SGCG: variants seen among roughly 807,000 people sequenced by gnomAD.
The protein encoded by SGCG is sarcoglycan gamma.
A neutral mutation model predicts 29.3 loss-of-function variants in SGCG; 26 were observed. The observed-to-expected ratio is 0.89, with a 90% confidence interval of 0.65 to 1.23. The LOEUF (loss-of-function observed/expected upper bound fraction) is 1.23. Among genes scored for constraint, SGCG ranks in the 50% most tolerant of loss-of-function variants. SGCG has a pLI of 0.00. For missense variants in SGCG, 353 were observed against 356.0 expected (o/e 0.99, Z 0.07); for synonymous variants, 145 against 129.7 (o/e 1.12, Z -0.80).
At chr13:23,172,940 C>G in the SGCG span, among the ~76,000 whole-genome samples, 1 of 152,146 alleles carries the variant, frequency 6.6e-6, no homozygotes, top group African/African-American at 2.4e-5. Context: ...AGATTCTCAA[C>G]AAAGATATGT....
intron 6 of SGCG, among the ~76,000 whole-genome samples, chr13:23,300,153 C>T (rs476964): frequency 0.56 from 84,813 of 152,072 alleles, 24,683 homozygotes; most frequent in East Asian, 0.84. Flanking sequence ...GTCTGTTCAT[C>T]TACTTATCTA....
intron 5 of SGCG, among the ~76,000 whole-genome samples, chr13:23,288,992 G>C (rs1364987216): frequency 1.3e-5 from 2 of 152,182 alleles, no homozygotes; most frequent in African/African-American, 4.8e-5. Context: ...AAAGTCAAAA[G>C]TGATAGTGTA....
intron 4 of SGCG, among the ~76,000 whole-genome samples, chr13:23,252,811 A>G (rs1566018170): frequency 6.6e-6 from 1 of 152,226 alleles, no homozygotes; most frequent in Non-Finnish European, 1.5e-5. Context: ...TAGATATAAT[A>G]TAAACCTGCC....
rs564827363 is a variant in SGCG, at chr13:23,232,425, G to A, written c.196-2186G>A. The stretch of plus-strand genomic sequence containing the variant: ...GTCACAACGTAAAATGTCCCTTATT[G>A]CTTTGTTTCATCCTTTGGATTGTCC... On this transcript the variant is annotated intron_variant, in intron 2 of 7. Coordinates refer to ENST00000218867, the MANE Select transcript of SGCG (RefSeq NM_000231.3). 1.6e-4 allele frequency among the ~76,000 whole-genome samples: 24 copies of A among 152,204 alleles called. No homozygotes were observed. In the East Asian group the frequency reaches 4.2e-3, roughly 27 times the overall value.
At chr13:23,228,955 C>T (rs1034602657) in intron 2 of SGCG, among the ~76,000 whole-genome samples, 1 of 152,200 alleles carries the variant, frequency 6.6e-6, no homozygotes, top group African/African-American at 2.4e-5. Context: ...ACTGCAACCT[C>T]CACCTCCCGA....
intron 1 of SGCG, among the ~76,000 whole-genome samples, chr13:23,188,829 G>A (rs1349575421): frequency 1.3e-5 from 2 of 152,140 alleles, no homozygotes; most frequent in Admixed American, 6.5e-5. Flanking sequence ...GGAGGAAGAT[G>A]CCTGTGCCAG....
intron 6 of SGCG, among the ~76,000 whole-genome samples, chr13:23,295,932 C>T (rs1309627261): frequency 3.3e-5 from 5 of 152,228 alleles, no homozygotes; most frequent in Non-Finnish European, 5.9e-5. Flanking sequence ...GCCATATCCT[C>T]GCCCACCCAT....
At chr13:23,293,018 G>GC (rs1256075055) in intron 5 of SGCG, among the ~76,000 whole-genome samples, 4 of 152,110 alleles carry the variant, frequency 2.6e-5, no homozygotes, top group African/African-American at 9.7e-5. Context: ...TCCTCTCTAT[G>GC]CCAAGCAGGA....
At chr13:23,287,713 T>G (rs967097592) in intron 5 of SGCG, among the ~76,000 whole-genome samples, 15 of 151,804 alleles carry the variant, frequency 9.9e-5, no homozygotes, top group Non-Finnish European at 1.8e-4. Context: ...AATTTCACAG[T>G]TTTTTGTTAC....
intron 2 of SGCG, among the ~76,000 whole-genome samples, chr13:23,214,490 C>T (rs961805365): frequency 2.0e-5 from 3 of 152,178 alleles, no homozygotes; most frequent in African/African-American, 4.8e-5. Context: ...GAAGACACAT[C>T]AACTTCTTTG....
intron 1 of SGCG, among the ~76,000 whole-genome samples, chr13:23,192,751 T>G (rs1051820841): frequency 6.6e-6 from 1 of 152,350 alleles, no homozygotes; most frequent in Admixed American, 6.5e-5. Context: ...TGAGTAAAGA[T>G]AGAATAATTT....
the SGCG span, among the ~76,000 whole-genome samples, chr13:23,173,042 A>T: frequency 1.3e-5 from 2 of 152,214 alleles, no homozygotes; most frequent in Admixed American, 6.5e-5. Flanking sequence ...GAACCAATTG[A>T]AAAACAGACA....
At chr13:23,168,497 A>G in the SGCG span, among the ~76,000 whole-genome samples, 9 of 152,324 alleles carry the variant, frequency 5.9e-5, no homozygotes, top group Non-Finnish European at 1.2e-4. Context: ...CAGCAGTAGT[A>G]GCCCCAGCAG....
At chr13:23,299,516 G>A (rs1162752378) in intron 6 of SGCG, among the ~76,000 whole-genome samples, 2 of 135,880 alleles carry the variant, frequency 1.5e-5, no homozygotes, top group African/African-American at 5.5e-5. Context: ...GCAGTGGCGC[G>A]ATCTCGGCTC....
chr13:23,201,824 C>T (rs970400512), intron 1 of SGCG, among the ~76,000 whole-genome samples: 2 of 152,174 alleles, frequency 1.3e-5, no homozygotes, highest in African/African-American at 2.4e-5. Context: ...TCTGTGCTTG[C>T]TTTTGGTTCA....
intron 5 of SGCG, among the ~76,000 whole-genome samples, chr13:23,286,831 G>A (rs192439183): frequency 8.5e-5 from 13 of 152,322 alleles, no homozygotes; most frequent in Admixed American, 1.3e-4. Context: ...AAGATGACCC[G>A]AGGTGAATGA....
At chr13:23,231,979 C>T (rs12430173) in intron 2 of SGCG, among the ~76,000 whole-genome samples, 14,370 of 152,014 alleles carry the variant, frequency 0.095, 825 homozygotes, top group South Asian at 0.19. Flanking sequence ...ATTAGCCAGG[C>T]GAGGTGGCAC....
At chr13:23,174,648 G>T in the SGCG span, among the ~76,000 whole-genome samples, 2 of 152,132 alleles carry the variant, frequency 1.3e-5, no homozygotes, top group African/African-American at 4.8e-5. Flanking sequence ...AAGCTGTGTG[G>T]GAAAAGCCGT....
At chr13:23,172,026 A>G in the SGCG span, among the ~76,000 whole-genome samples, 1 of 152,282 alleles carries the variant, frequency 6.6e-6, no homozygotes, top group South Asian at 2.1e-4. Flanking sequence ...CTGTAGTGGG[A>G]AGATTGCCTT....
Sources: gnomAD v4.1 joint callset for allele counts (sites outside exome capture counted in the v4.1 genomes callset) on GRCh38, gnomAD v4.1.1 for gene constraint, MANE v1.5 for transcripts, NCBI Gene and HGNC (gene_info 2026-07-23, HGNC 2026-07-21) for gene names.